ANO10: variants seen among roughly 807,000 people sequenced by gnomAD.
The protein encoded by ANO10 is anoctamin 10.
In ANO10, 77 loss-of-function variants were observed where a neutral mutation model predicts 74.7. The ratio of observed to expected loss-of-function variants is 1.03; its 90% CI spans 0.86 to 1.25. ANO10 has a LOEUF of 1.25. Among genes scored for constraint, ANO10 ranks in the 50% most tolerant of loss-of-function variants. ANO10 has a pLI of 0.00. For missense variants in ANO10, 721 were observed against 778.1 expected (o/e 0.93, Z 0.87); for synonymous variants, 279 against 284.9 (o/e 0.98, Z 0.21).
At chr3:43,487,216 T>C (rs912230715) in intron 11 of ANO10, among the ~76,000 whole-genome samples, 5 of 151,810 alleles carry the variant, frequency 3.3e-5, no homozygotes, top group South Asian at 2.1e-4. Flanking sequence ...CAGTATTTTA[T>C]TGAGGATTTT....
intron 1 of ANO10, among the ~76,000 whole-genome samples, chr3:43,637,044 C>G (rs184411954): frequency 3.9e-5 from 6 of 152,162 alleles, no homozygotes; most frequent in Non-Finnish European, 7.4e-5. Flanking sequence ...GTGGTGCATG[C>G]CTGCAGTCCC....
chr3:43,399,202 C>T (rs1390642423), intron 12 of ANO10, among the ~76,000 whole-genome samples: 2 of 152,222 alleles, frequency 1.3e-5, no homozygotes, highest in Non-Finnish European at 2.9e-5. Flanking sequence ...TGCAAATACT[C>T]ACTAAATGTT....
At chr3:43,494,530 T>G (rs548165396) in intron 11 of ANO10, among the ~76,000 whole-genome samples, 2 of 152,330 alleles carry the variant, frequency 1.3e-5, no homozygotes, top group Admixed American at 6.5e-5. Context: ...TATCCTCATT[T>G]GCAGCTATGA....
chr3:43,643,744 C>T (rs1045228198), intron 1 of ANO10, among the ~76,000 whole-genome samples: 4 of 144,102 alleles, frequency 2.8e-5, no homozygotes, highest in South Asian at 2.2e-4. Context: ...AGTGCAGTGG[C>T]GCAATCTCGG....
chr3:43,658,209 TAAA>T lies in ANO10; in HGVS notation c.-12+33305_-12+33307del, dbSNP rs549959039. On this transcript the variant is annotated intron_variant, in intron 1 of 3. Transcript: ENST00000413397. ...TTAAACAATCAAAATTTATGTATCTTAAAGAAGTATTTTTAAGGGCCATTGAAA... is the reference window on the plus strand; with the variant it reads ...TTAAACAATCAAAATTTATGTATCTTGAAGTATTTTTAAGGGCCATTGAAA... Among the ~76,000 whole-genome samples, 827 of 152,054 alleles carry T rather than the reference TAAA, an allele frequency of 5.4e-3. 13 individuals carry two copies. The highest frequency in any genetic ancestry group is 0.016 in the Admixed American group (238 of 15,280).
intron 1 of ANO10, among the ~76,000 whole-genome samples, chr3:43,641,131 G>GT (rs1430203761): frequency 2.6e-5 from 4 of 152,114 alleles, no homozygotes; most frequent in African/African-American, 9.7e-5. Flanking sequence ...CCAAAATATT[G>GT]TTCTTATAGT....
intron 11 of ANO10, among the ~76,000 whole-genome samples, chr3:43,538,454 A>G (rs891742548): frequency 5.9e-5 from 9 of 152,238 alleles, no homozygotes; most frequent in African/African-American, 2.2e-4. Flanking sequence ...AAAATTTTTA[A>G]AACGGAAATA....
chr3:43,440,178 G>A (rs1443398612), intron 11 of ANO10, among the ~76,000 whole-genome samples: 1 of 151,984 alleles, frequency 6.6e-6, no homozygotes, highest in African/African-American at 2.4e-5. Context: ...GAACAAAACG[G>A]CAATTGTAAG....
chr3:43,398,701 G>C (rs1026384046), intron 12 of ANO10, among the ~76,000 whole-genome samples: 2 of 152,354 alleles, frequency 1.3e-5, no homozygotes, highest in Non-Finnish European at 2.9e-5. Context: ...ATACAGTTGA[G>C]TGTGGGCATT....
intron 11 of ANO10, among the ~76,000 whole-genome samples, chr3:43,489,427 G>A (rs1009690065): frequency 5.9e-5 from 9 of 152,098 alleles, no homozygotes; most frequent in Non-Finnish European, 1.2e-4. Flanking sequence ...GTACCTTACT[G>A]AGGGGTTGGA....
At chr3:43,513,274 G>T (rs746288543) in intron 11 of ANO10, among the ~76,000 whole-genome samples, 1 of 152,150 alleles carries the variant, frequency 6.6e-6, no homozygotes, top group Non-Finnish European at 1.5e-5. Context: ...GAAGAGTCTT[G>T]ACTCAGTACT....
intron 1 of ANO10, among the ~76,000 whole-genome samples, chr3:43,629,585 A>C (rs1257275973): frequency 3.3e-5 from 5 of 152,232 alleles, no homozygotes; most frequent in African/African-American, 9.6e-5. Context: ...AATCTTTGAG[A>C]CAAGAGATGG....
chr3:43,503,192 A>G (rs1439456825), intron 11 of ANO10, among the ~76,000 whole-genome samples: 3 of 152,198 alleles, frequency 2.0e-5, no homozygotes, highest in Non-Finnish European at 2.9e-5. Context: ...TTGGTTAGAG[A>G]GATCCTTTTC....
intron 11 of ANO10, among the ~76,000 whole-genome samples, chr3:43,432,941 A>ATTTTTTTTTT (rs1559539096): frequency 4.3e-5 from 2 of 46,536 alleles, no homozygotes; most frequent in Non-Finnish European, 4.9e-5. Flanking sequence ...ACTTTGCTTA[A>ATTTTTTTTTT]TTCTTTTTTT....
chr3:43,671,375 G>A (rs1575587721), intron 1 of ANO10, among the ~76,000 whole-genome samples: 1 of 152,102 alleles, frequency 6.6e-6, no homozygotes, highest in African/African-American at 2.4e-5. Context: ...ATTACCAACT[G>A]CCGCCGCTGA....
chr3:43,384,262 C>G (rs2092053967), intron 12 of ANO10, among the ~76,000 whole-genome samples: 1 of 151,904 alleles, frequency 6.6e-6, no homozygotes. Context: ...CAAAACACTG[C>G]TGAAAGAAAT....
In ANO10 at chr3:43,522,138, G is replaced by C. The variant is rs1447576035; in HGVS notation, c.1797+27582C>G. The stretch of plus-strand genomic sequence containing the variant: ...GTAAAGCAGAAGTTGCCAGGGACTA[G>C]GGGAAGGGGGAAATGGAGAGTCATT... On this transcript the variant is annotated intron_variant, in intron 11 of 12. Coordinates refer to ENST00000292246, the MANE Select transcript of ANO10 (RefSeq NM_018075.5). Among the ~76,000 whole-genome samples, 2 of 152,222 alleles carry C rather than the reference G, an allele frequency of 1.3e-5. 1 individual carries two copies. Among genetic ancestry groups the C allele is most frequent in the South Asian group, 4.2e-4 (2 of 4,818 alleles).
rs148669877 is a variant in ANO10 at position 43,601,005 on chromosome 3, C to A, written c.140-424G>T. ...GTAATACAATTACACTGGACTATAA[C>A]AGATTTTGTGAATGTTAAATACTAA... On this transcript the variant is annotated intron_variant, in intron 2 of 12. Coordinates refer to ENST00000292246, the MANE Select transcript of ANO10 (RefSeq NM_018075.5). Among the ~76,000 whole-genome samples, 1,449 of 152,192 alleles carry A rather than the reference C, an allele frequency of 9.5e-3. 27 individuals are homozygous for A. Among genetic ancestry groups the A allele is most frequent in the Non-Finnish European group, 0.011 (744 of 67,994 alleles).
intron 11 of ANO10, among the ~76,000 whole-genome samples, chr3:43,448,718 T>C (rs1367355181): frequency 6.6e-6 from 1 of 152,198 alleles, no homozygotes; most frequent in African/African-American, 2.4e-5. Flanking sequence ...CCAAGGAGCA[T>C]GGCTGCTAAA....
Sources: gnomAD v4.1 joint callset for allele counts (sites outside exome capture counted in the v4.1 genomes callset) on GRCh38, gnomAD v4.1.1 for gene constraint, MANE v1.5 for transcripts, NCBI Gene and HGNC (gene_info 2026-07-23, HGNC 2026-07-21) for gene names.